Variants in GALNT13 observed in about 807,000 individuals in gnomAD.
GALNT13 encodes UDP-GalNAc:polypeptide N-acetylgalactosaminyltransferase 13.
In GALNT13, 28 loss-of-function variants were observed where a neutral mutation model predicts 64.2. The observed-to-expected ratio is 0.44, with a 90% CI of 0.32 to 0.60. The LOEUF (loss-of-function observed/expected upper bound fraction) is 0.60, where lower values mean the gene tolerates loss of function less well. Ranked by LOEUF, GALNT13 falls within the 20% of genes least tolerant of loss-of-function variation. The pLI, the probability that GALNT13 is intolerant of heterozygous loss-of-function variation, is 0.05. For synonymous variants in GALNT13, 214 were observed against 224.6 expected (o/e 0.95, Z 0.42); for missense variants, 577 against 669.8 (o/e 0.86, Z 1.53).
intron 1 of GALNT13, among the ~76,000 whole-genome samples, chr2:153,897,555 C>T (rs1687965104): frequency 1.3e-5 from 2 of 151,960 alleles, no homozygotes; most frequent in Non-Finnish European, 2.9e-5. Flanking sequence ...TACTATTTTC[C>T]CCATTGTAAT....
chr2:153,240,940 A>G, the GALNT13 span, among the ~76,000 whole-genome samples: 1 of 152,122 alleles, frequency 6.6e-6, no homozygotes, highest in Non-Finnish European at 1.5e-5. Flanking sequence ...CCTAATTAGT[A>G]GGAAGAGTCT....
intron 3 of GALNT13, among the ~76,000 whole-genome samples, chr2:154,139,337 A>G (rs1031034150): frequency 6.6e-6 from 1 of 151,312 alleles, no homozygotes. Context: ...TTTCATATGC[A>G]TTATAGTCCT....
chr2:153,481,716 A>G, the GALNT13 span, among the ~76,000 whole-genome samples: 5 of 152,320 alleles, frequency 3.3e-5, no homozygotes, highest in South Asian at 2.1e-4. Context: ...CTTGGCCTAT[A>G]ATGCATTCTG....
At chr2:154,183,444 G>A (rs546232938) in intron 4 of GALNT13, among the ~76,000 whole-genome samples, 7 of 152,194 alleles carry the variant, frequency 4.6e-5, no homozygotes, top group African/African-American at 1.7e-4. Context: ...GAGTATGGTG[G>A]CTCACGCCTG....
At chr2:154,102,556 ACC>A (rs1193420606) in intron 3 of GALNT13, among the ~76,000 whole-genome samples, 2 of 152,092 alleles carry the variant, frequency 1.3e-5, no homozygotes, top group Admixed American at 1.3e-4. Context: ...ATAAAATGCT[ACC>A]CACTGGGTGC....
the GALNT13 span, among the ~76,000 whole-genome samples, chr2:153,591,635 A>G: frequency 6.6e-6 from 1 of 152,066 alleles, no homozygotes; most frequent in Admixed American, 6.6e-5. Context: ...GTCATGGGGG[A>G]AGAATAAAGC....
chr2:153,535,474 G>A, the GALNT13 span, among the ~76,000 whole-genome samples: 1 of 152,192 alleles, frequency 6.6e-6, no homozygotes, highest in Non-Finnish European at 1.5e-5. Flanking sequence ...ATGAGTAGTT[G>A]AGAACGGTGA....
the GALNT13 span, among the ~76,000 whole-genome samples, chr2:153,704,120 GA>G: frequency 6.6e-6 from 1 of 151,888 alleles, no homozygotes; most frequent in Non-Finnish European, 1.5e-5. Flanking sequence ...GTAAGAATTA[GA>G]AAAAAATGAC....
the GALNT13 span, among the ~76,000 whole-genome samples, chr2:153,596,725 A>G: frequency 1.3e-5 from 2 of 152,078 alleles, no homozygotes; most frequent in Admixed American, 1.3e-4. Context: ...AAGGAAAAAA[A>G]CTGAGAATAA....
At chr2:153,151,695 C>T in the GALNT13 span, among the ~76,000 whole-genome samples, 1 of 152,022 alleles carries the variant, frequency 6.6e-6, no homozygotes, top group African/African-American at 2.4e-5. Flanking sequence ...GTGGATGAAG[C>T]TGGAAACCAT....
the GALNT13 span, among the ~76,000 whole-genome samples, chr2:153,242,345 A>G: frequency 6.6e-6 from 1 of 152,288 alleles, no homozygotes; most frequent in East Asian, 1.9e-4. Context: ...TCTCTGAACT[A>G]TGCTTGAGGA....
At chr2:153,265,668 T>C in the GALNT13 span, among the ~76,000 whole-genome samples, 4 of 152,200 alleles carry the variant, frequency 2.6e-5, no homozygotes, top group Non-Finnish European at 5.9e-5. Context: ...TTGTGATGAA[T>C]GTGCTTTTTT....
intron 4 of GALNT13, among the ~76,000 whole-genome samples, chr2:154,233,037 CAAAAA>C (rs375484057): frequency 1.0e-4 from 6 of 59,044 alleles, no homozygotes; most frequent in African/African-American, 2.9e-4. Context: ...GACCCTGTCT[CAAAAA>C]AAAAAAAAAA....
At chr2:154,119,470 T>G (rs572828911) in intron 3 of GALNT13, among the ~76,000 whole-genome samples, 1 of 152,320 alleles carries the variant, frequency 6.6e-6, no homozygotes, top group African/African-American at 2.4e-5. Flanking sequence ...ACATCTATCC[T>G]TAGATTAGGG....
chr2:154,016,708 G>A (rs757378148), intron 3 of GALNT13, among the ~76,000 whole-genome samples: 13 of 152,160 alleles, frequency 8.5e-5, no homozygotes, highest in African/African-American at 2.9e-4. Flanking sequence ...GAGCCACTGC[G>A]CCTGGCCTAG....
At chr2:154,126,645 A>AC (rs1326433571) in intron 3 of GALNT13, among the ~76,000 whole-genome samples, 1 of 151,670 alleles carries the variant, frequency 6.6e-6, no homozygotes, top group African/African-American at 2.4e-5. Context: ...AAAAAAACAA[A>AC]AAAAAAAAAC....
chr2:154,267,400 GA>G, intron 8 of GALNT13, among the ~76,000 whole-genome samples: 1 of 152,194 alleles, frequency 6.6e-6, no homozygotes, highest in East Asian at 1.9e-4. Flanking sequence ...AGCACTTTGG[GA>G]GGCCAAGGTG....
At chr2:154,388,214 T>G (rs1313088277) in intron 9 of GALNT13, among the ~76,000 whole-genome samples, 2 of 152,218 alleles carry the variant, frequency 1.3e-5, no homozygotes. Flanking sequence ...TTTGAATGTC[T>G]TCTTTTGAGA....
the GALNT13 span, among the ~76,000 whole-genome samples, chr2:153,300,515 G>T: frequency 1.9e-3 from 292 of 152,286 alleles, 2 homozygotes; most frequent in African/African-American, 6.7e-3. Flanking sequence ...TGTATTTGGA[G>T]CCTTATCATT....
Sources: gnomAD v4.1 joint callset for allele counts (sites outside exome capture counted in the v4.1 genomes callset) on GRCh38, gnomAD v4.1.1 for gene constraint, MANE v1.5 for transcripts, NCBI Gene and HGNC (gene_info 2026-07-23, HGNC 2026-07-21) for gene names.